The following RPN2 variants were observed in gnomAD, a reference collection of about 807,000 sequenced individuals.
The protein encoded by RPN2 is dolichyl-diphosphooligosaccharide--protein glycosyltransferase subunit 2.
In RPN2, 29 loss-of-function variants were observed where a neutral mutation model predicts 71.4. The ratio of observed to expected loss-of-function variants is 0.41; its 90% CI spans 0.30 to 0.55. RPN2 has a LOEUF of 0.55. RPN2 is among the 20% of genes least tolerant of loss of function. RPN2 has a pLI of 0.35. For missense variants in RPN2, 726 were observed against 774.1 expected (o/e 0.94, Z 0.74); for synonymous variants, 308 against 305.0 (o/e 1.01, Z -0.10).
chr20:37,238,395 T>G (rs1260552543), intron 16 of RPN2: 2 of 1,607,234 alleles, frequency 1.2e-6, no homozygotes, highest in Admixed American at 1.7e-5. Context: ...CCTCTTTCCT[T>G]TGGCAGGATC....
intron 1 of RPN2, 196 bp downstream of exon 1, chr20:37,179,565 G>C (rs1184097144): frequency 2.2e-6 from 3 of 1,360,218 alleles, no homozygotes; most frequent in Non-Finnish European, 2.9e-6. Context: ...GACCTGGCGG[G>C]GTTGGTGCCT....
intron 13 of RPN2, among the ~76,000 whole-genome samples, chr20:37,231,928 C>T (rs2068259785): frequency 6.6e-6 from 1 of 152,168 alleles, no homozygotes; most frequent in Non-Finnish European, 1.5e-5. Context: ...GCGAGTCCAG[C>T]GTCCTGCCTC....
chr20:37,198,252 A>C (rs536921530), intron 2 of RPN2, 145 bp from the exon 3 acceptor site: 1 of 1,484,752 alleles, frequency 6.7e-7, no homozygotes, highest in Non-Finnish European at 9.1e-7. Flanking sequence ...ACCGTGTCCT[A>C]TGGAAAGTAA....
rs201482349 is a variant in RPN2 at position 37,210,189 on chromosome 20, G to A, written c.986+24G>A. The A allele has an allele frequency of 5.1e-5, 82 of 1,611,792 alleles. No homozygotes were observed. In the African/African-American group the frequency reaches 7.1e-4, roughly 14 times the overall value. ...GGGTAAGTCCTGATCATATTTTGGT[G>A]GGGCGCTGACCTCTTTGTTTTGGAA... is the stretch of plus-strand genomic sequence containing the variant. On this transcript the variant is annotated intron_variant, in intron 8 of 16. Coordinates refer to ENST00000237530, the MANE Select transcript of RPN2 (RefSeq NM_002951.5).
intron 9 of RPN2, among the ~76,000 whole-genome samples, chr20:37,215,236 T>G (rs2067779158): frequency 6.6e-6 from 1 of 152,184 alleles, no homozygotes; most frequent in South Asian, 2.1e-4. Context: ...AATGACAGAA[T>G]TAATAGCTAG....
At chr20:37,218,907 T>A (rs1022277113) in intron 9 of RPN2, among the ~76,000 whole-genome samples, 2 of 152,258 alleles carry the variant, frequency 1.3e-5, no homozygotes, top group Non-Finnish European at 2.9e-5. Flanking sequence ...TATCACATTT[T>A]GTTTACCGAC....
intron 8 of RPN2, among the ~76,000 whole-genome samples, chr20:37,211,645 TAAA>T (rs34192838): frequency 3.6e-5 from 5 of 140,352 alleles, no homozygotes; most frequent in Admixed American, 7.0e-5. Context: ...CCATCTCTAT[TAAA>T]AAAAAAAAAA....
At chr20:37,238,716 T>G (rs2068471500) in intron 16 of RPN2, 1 of 702,114 alleles carries the variant, frequency 1.4e-6, no homozygotes, top group East Asian at 2.8e-5. Flanking sequence ...GACTTCATTC[T>G]CCCTTATATC....
intron 1 of RPN2, among the ~76,000 whole-genome samples, chr20:37,181,047 G>A (rs188860144): frequency 1.1e-3 from 174 of 152,118 alleles, no homozygotes; most frequent in African/African-American, 3.9e-3. Flanking sequence ...TGGCCAACAT[G>A]GTGAAACCCC....
intron 4 of RPN2, among the ~76,000 whole-genome samples, 176 bp downstream of exon 4, chr20:37,199,401 C>T (rs1171221924): frequency 6.6e-6 from 1 of 152,356 alleles, no homozygotes; most frequent in East Asian, 1.9e-4. Flanking sequence ...AAGTAAGGTC[C>T]GTGTCCTCGT....
At chr20:37,204,621 T>C (rs1014116651) in intron 5 of RPN2, 146 bp from the exon 6 acceptor site, 24 of 926,932 alleles carry the variant, frequency 2.6e-5, no homozygotes, top group Non-Finnish European at 3.9e-5. Context: ...AGCACCATTT[T>C]TGAGAAAGTA....
At chr20:37,198,127 A>G (rs1309109591) in intron 2 of RPN2, among the ~76,000 whole-genome samples, 1 of 152,196 alleles carries the variant, frequency 6.6e-6, no homozygotes, top group African/African-American at 2.4e-5. Context: ...AGCACAGTCC[A>G]TGGCCAGACA....
chr20:37,234,136 A>ACATTTAGCCTGCC, intron 15 of RPN2, 41 bp downstream of exon 15: 1 of 1,600,952 alleles, frequency 6.2e-7, no homozygotes, highest in African/African-American at 1.3e-5. Context: ...ACGTCCTCTG[A>ACATTTAGCCTGCC]CATTTAGCCT....
At position 37,228,671 on chromosome 20, in the gene RPN2, C is replaced by G. The variant is rs951094915; in HGVS notation, c.1421C>G (p.Ser474Cys). ...DTSERKIEFD[S>C]ASGTYTLYLI... Reference sequence around the variant, plus strand: ...TCTGAAAGAAAGATTGAATTTGACTCTGCCTCTGGCACCTACACTCTCTAC... The same window carrying G: ...TCTGAAAGAAAGATTGAATTTGACTGTGCCTCTGGCACCTACACTCTCTAC... Residue 474 changes from serine to cysteine, a missense_variant, in exon 12 of 17, where the codon TCT (serine) becomes TGT (cysteine). Transcript: ENST00000237530. The G allele has an allele frequency of 1.9e-6, 3 of 1,614,064 alleles. No individual in the cohort carries two copies. The Admixed American group carries it at 5.0e-5, about 27-fold the overall frequency.
intron 15 of RPN2, among the ~76,000 whole-genome samples, chr20:37,235,334 C>T (rs2068356502): frequency 6.6e-6 from 1 of 152,110 alleles, no homozygotes; most frequent in African/African-American, 2.4e-5. Flanking sequence ...GCTTTTCCTG[C>T]CATTGTGCTT....
intron 12 of RPN2, among the ~76,000 whole-genome samples, chr20:37,229,263 G>T (rs1024367953): frequency 6.6e-6 from 1 of 152,218 alleles, no homozygotes; most frequent in African/African-American, 2.4e-5. Flanking sequence ...ACTTTGGATT[G>T]GCGTGATGAG....
intron 13 of RPN2, 35 bp from the exon 14 acceptor site, chr20:37,232,261 A>G: frequency 1.2e-6 from 2 of 1,613,522 alleles, no homozygotes; most frequent in Middle Eastern, 3.3e-4. Context: ...TGGGAAGGGC[A>G]CATTCTTAAG....
rs756508356 is a variant in RPN2 at position 37,232,325 on chromosome 20, C to A, written c.1611C>A (p.Pro537=). The A allele has an allele frequency of 1.9e-6, 3 of 1,614,188 alleles. No homozygotes were observed. In the South Asian group the frequency reaches 3.3e-5, roughly 18 times the overall value. ...TGTTCCGCGAGCCTGAGAAGAGGCC[C>A]CCCACCGTGGTGTCCAATACATTCA... ...QHLFREPEKR[P]PTVVSNTFTA... The change falls in exon 14 of 17, where the codon CCC becomes CCA. Residue 537 remains proline, a synonymous_variant. Coordinates refer to ENST00000237530, the MANE Select transcript of RPN2 (RefSeq NM_002951.5).
intron 13 of RPN2, among the ~76,000 whole-genome samples, 183 bp downstream of exon 13, chr20:37,230,242 C>A (rs562490845): frequency 1.3e-5 from 2 of 152,296 alleles, no homozygotes; most frequent in African/African-American, 4.8e-5. Flanking sequence ...TTAAAGAGTC[C>A]GGTGACTAAC....
Sources: gnomAD v4.1 joint callset for allele counts (sites outside exome capture counted in the v4.1 genomes callset) on GRCh38, gnomAD v4.1.1 for gene constraint, MANE v1.5 for transcripts, NCBI Gene and HGNC (gene_info 2026-07-23, HGNC 2026-07-21) for gene names.